Variants in AUTS2 observed in about 807,000 individuals in gnomAD.
AUTS2 encodes the protein autism susceptibility gene 2 protein.
AUTS2 carries 17 observed loss-of-function variants against 112.4 expected under a neutral mutation model. That is an observed-to-expected ratio of 0.15 (90% CI 0.10 to 0.23). AUTS2 has a LOEUF of 0.23. AUTS2 is among the 10% of genes least tolerant of loss of function. The probability of loss-of-function intolerance (pLI) is 1.00; values close to 1 mark genes in which losing one functional copy is unlikely to be tolerated. For synonymous variants in AUTS2, 751 were observed against 702.7 expected (o/e 1.07, Z -1.09); for missense variants, 1,510 against 1,701.6 (o/e 0.89, Z 1.98).
chr7:70,572,318 G>T (rs2129525657), intron 5 of AUTS2, among the ~76,000 whole-genome samples: 1 of 152,204 alleles, frequency 6.6e-6, no homozygotes, highest in African/African-American at 2.4e-5. Context: ...GGTCACCTTT[G>T]TGGACGGCAA....
At chr7:69,715,483 G>A (rs1167839201) in intron 1 of AUTS2, among the ~76,000 whole-genome samples, 1 of 152,182 alleles carries the variant, frequency 6.6e-6, no homozygotes, top group Non-Finnish European at 1.5e-5. Flanking sequence ...AGACAGGGAA[G>A]GTGAAGCCTG....
intron 2 of AUTS2, among the ~76,000 whole-genome samples, chr7:69,931,109 A>G (rs1037996743): frequency 1.1e-4 from 8 of 74,860 alleles, no homozygotes; most frequent in Non-Finnish European, 1.8e-4. Flanking sequence ...TGCATTTTGG[A>G]TTTACACACA....
chr7:70,244,685 G>A (rs1430536409), intron 4 of AUTS2, among the ~76,000 whole-genome samples: 1 of 152,170 alleles, frequency 6.6e-6, no homozygotes, highest in Admixed American at 6.5e-5. Flanking sequence ...TTGTTTCAAT[G>A]TGATTCTGCA....
intron 1 of AUTS2, among the ~76,000 whole-genome samples, chr7:69,702,342 A>G (rs1256505427): frequency 1.3e-5 from 2 of 152,228 alleles, no homozygotes; most frequent in African/African-American, 4.8e-5. Context: ...CTGGTTGTGC[A>G]AGGATAAGGA....
intron 1 of AUTS2, among the ~76,000 whole-genome samples, chr7:69,801,378 A>G (rs1172513536): frequency 6.6e-6 from 1 of 151,334 alleles, no homozygotes; most frequent in Non-Finnish European, 1.5e-5. Context: ...AACTGGGCAA[A>G]CCTTTCTGCA....
chr7:70,588,696 C>A (rs927986183), intron 5 of AUTS2, among the ~76,000 whole-genome samples: 1 of 152,008 alleles, frequency 6.6e-6, no homozygotes, highest in Non-Finnish European at 1.5e-5. Flanking sequence ...GACTTGTAGC[C>A]GTTTTTAAAC....
chr7:69,635,203 T>G (rs1206346185), intron 1 of AUTS2, among the ~76,000 whole-genome samples: 2 of 152,302 alleles, frequency 1.3e-5, no homozygotes, highest in East Asian at 3.9e-4. Flanking sequence ...GCTGTGTGTT[T>G]GCAAATCAAA....
chr7:70,359,688 G>T (rs1403297125), intron 4 of AUTS2, among the ~76,000 whole-genome samples: 1 of 152,044 alleles, frequency 6.6e-6, no homozygotes, highest in African/African-American at 2.4e-5. Flanking sequence ...CTGCTTCCAG[G>T]ACCCAAAAGC....
intron 1 of AUTS2, among the ~76,000 whole-genome samples, chr7:69,747,937 C>T (rs996026518): frequency 1.3e-5 from 2 of 151,896 alleles, no homozygotes; most frequent in Non-Finnish European, 2.9e-5. Flanking sequence ...GGTTTCTTTG[C>T]TGAGTAGAAT....
intron 2 of AUTS2, among the ~76,000 whole-genome samples, chr7:69,925,989 A>C (rs1174122238): frequency 6.6e-6 from 1 of 152,184 alleles, no homozygotes; most frequent in African/African-American, 2.4e-5. Flanking sequence ...TGTCTCTCTA[A>C]AAACAAAAAA....
chr7:70,237,895 G>A (rs370498001), intron 4 of AUTS2, among the ~76,000 whole-genome samples: 2 of 152,164 alleles, frequency 1.3e-5, no homozygotes, highest in East Asian at 1.9e-4. Flanking sequence ...CACTCGGAGC[G>A]ATTGCTGGAA....
intron 1 of AUTS2, among the ~76,000 whole-genome samples, chr7:69,774,430 C>T (rs1356642141): frequency 2.6e-5 from 4 of 152,104 alleles, no homozygotes; most frequent in African/African-American, 4.8e-5. Flanking sequence ...TTTTGATGTC[C>T]GGGATACAGT....
chr7:69,665,849 C>T (rs1400364624), intron 1 of AUTS2, among the ~76,000 whole-genome samples: 1 of 152,090 alleles, frequency 6.6e-6, no homozygotes, highest in East Asian at 1.9e-4. Flanking sequence ...GGGCATGTTG[C>T]TATCTGTTCA....
At chr7:69,835,112 A>G (rs919897234) in intron 1 of AUTS2, among the ~76,000 whole-genome samples, 1 of 151,898 alleles carries the variant, frequency 6.6e-6, no homozygotes, top group Non-Finnish European at 1.5e-5. Context: ...GACCTTGTAC[A>G]GTCTCTTTTA....
intron 5 of AUTS2, among the ~76,000 whole-genome samples, chr7:70,668,880 C>G (rs149514797): frequency 6.6e-6 from 1 of 152,154 alleles, no homozygotes; most frequent in Non-Finnish European, 1.5e-5. Flanking sequence ...AGGCACGCTT[C>G]CCTGGGGAGG....
At chr7:70,511,045 C>G (rs572766480) in intron 5 of AUTS2, among the ~76,000 whole-genome samples, 1 of 152,016 alleles carries the variant, frequency 6.6e-6, no homozygotes, top group Non-Finnish European at 1.5e-5. Flanking sequence ...GACGAGGTTT[C>G]GCCATGTTGG....
intron 4 of AUTS2, among the ~76,000 whole-genome samples, chr7:70,406,906 A>C (rs1585108994): frequency 6.6e-6 from 1 of 152,124 alleles, no homozygotes; most frequent in South Asian, 2.1e-4. Flanking sequence ...ACCATGCATC[A>C]CCTCCAATAG....
intron 5 of AUTS2, among the ~76,000 whole-genome samples, chr7:70,511,717 A>T (rs1324147117): frequency 6.6e-6 from 1 of 151,702 alleles, no homozygotes; most frequent in Non-Finnish European, 1.5e-5. Flanking sequence ...CTGGGATTAC[A>T]AGCATGCGCC....
chr7:69,909,198 C>T (rs1795261617), intron 2 of AUTS2, among the ~76,000 whole-genome samples: 1 of 152,130 alleles, frequency 6.6e-6, no homozygotes, highest in Non-Finnish European at 1.5e-5. Context: ...ATTGAGTTAT[C>T]TTCCAAAATG....
Sources: gnomAD v4.1 joint callset for allele counts (sites outside exome capture counted in the v4.1 genomes callset) on GRCh38, gnomAD v4.1.1 for gene constraint, MANE v1.5 for transcripts, NCBI Gene and HGNC (gene_info 2026-07-23, HGNC 2026-07-21) for gene names.